The following CSNK1G1 variants were observed in gnomAD, a reference collection of about 807,000 sequenced individuals.
CSNK1G1 encodes the protein casein kinase I isoform gamma-1.
A neutral mutation model predicts 59.6 loss-of-function variants in CSNK1G1; 22 were observed. The ratio of observed to expected loss-of-function variants is 0.37; its 90% CI spans 0.26 to 0.53. The LOEUF (loss-of-function observed/expected upper bound fraction) is 0.53. Among genes scored for constraint, CSNK1G1 ranks in the 20% least tolerant of loss-of-function variants. The pLI, the probability that CSNK1G1 is intolerant of heterozygous loss-of-function variation, is 0.89. For synonymous variants in CSNK1G1, 179 were observed against 177.1 expected, an observed-to-expected ratio of 1.01 and a Z score of -0.08; for missense variants, 384 against 519.5, an observed-to-expected ratio of 0.74 and a Z score of 2.54.
chr15:64,255,058 A>G (rs564641074), intron 3 of CSNK1G1, among the ~76,000 whole-genome samples: 52 of 152,150 alleles, frequency 3.4e-4, no homozygotes, highest in East Asian at 3.9e-4. Context: ...CTTTCCCCCA[A>G]TGAGTAGTTA....
intron 11 of CSNK1G1, among the ~76,000 whole-genome samples, chr15:64,172,443 C>A (rs2081684532): frequency 1.3e-5 from 2 of 152,152 alleles, no homozygotes; most frequent in Non-Finnish European, 2.9e-5. Flanking sequence ...GCAAACAAAT[C>A]CCATGATAAG....
chr15:64,278,826 C>T (rs1438434239), intron 2 of CSNK1G1, among the ~76,000 whole-genome samples: 1 of 152,208 alleles, frequency 6.6e-6, no homozygotes, highest in African/African-American at 2.4e-5. Context: ...GATGCAACTA[C>T]ACCCCACATC....
At chr15:64,258,460 T>C (rs1892514108) in intron 3 of CSNK1G1, among the ~76,000 whole-genome samples, 1 of 151,930 alleles carries the variant, frequency 6.6e-6, no homozygotes, top group Non-Finnish European at 1.5e-5. Context: ...CCTTCAACCA[T>C]TAACTCCTCT....
At chr15:64,299,536 G>C (rs925919987) in intron 2 of CSNK1G1, among the ~76,000 whole-genome samples, 1 of 151,468 alleles carries the variant, frequency 6.6e-6, no homozygotes, top group Non-Finnish European at 1.5e-5. Context: ...AGCTTGCAGT[G>C]AGCCGAGATC....
intron 4 of CSNK1G1, among the ~76,000 whole-genome samples, chr15:64,236,259 G>A (rs1380255014): frequency 6.6e-6 from 1 of 151,888 alleles, no homozygotes; most frequent in East Asian, 1.9e-4. Context: ...ATCTAGAATT[G>A]GAGATGACAA....
At chr15:64,279,201 T>C (rs1378865674) in intron 2 of CSNK1G1, among the ~76,000 whole-genome samples, 5 of 151,906 alleles carry the variant, frequency 3.3e-5, no homozygotes, top group Admixed American at 2.6e-4. Context: ...TATATATCCA[T>C]ACATACACCC....
chr15:64,245,187 C>T (rs538985068), intron 4 of CSNK1G1, among the ~76,000 whole-genome samples: 1 of 152,198 alleles, frequency 6.6e-6, no homozygotes, highest in Admixed American at 6.5e-5. Flanking sequence ...TGACATTGGT[C>T]TGGGCAAAAT....
chr15:64,337,682 T>C (rs1220396893), intron 1 of CSNK1G1, among the ~76,000 whole-genome samples: 1 of 152,184 alleles, frequency 6.6e-6, no homozygotes, highest in Non-Finnish European at 1.5e-5. Flanking sequence ...TAACCTTTTG[T>C]AAATGTACAA....
intron 1 of CSNK1G1, among the ~76,000 whole-genome samples, chr15:64,310,801 T>C (rs1182481097): frequency 6.6e-6 from 1 of 151,636 alleles, no homozygotes; most frequent in Non-Finnish European, 1.5e-5. Context: ...GGTCAGGAGA[T>C]CGAGACCATC....
intron 10 of CSNK1G1, among the ~76,000 whole-genome samples, chr15:64,183,987 AT>A (rs997004536): frequency 2.0e-5 from 3 of 151,636 alleles, no homozygotes; most frequent in African/African-American, 7.3e-5. Context: ...TCTGGCTGGT[AT>A]TTTTTTTCTA....
chr15:64,217,120 T>A (rs2082321863), intron 4 of CSNK1G1, among the ~76,000 whole-genome samples: 1 of 152,244 alleles, frequency 6.6e-6, no homozygotes, highest in South Asian at 2.1e-4. Context: ...TCATGAGCAC[T>A]CTCTATGCTT....
rs897374515 is a variant in CSNK1G1, at chr15:64,214,436, G to T, written c.445-312C>A. Among the ~76,000 whole-genome samples the T allele has an allele frequency of 9.2e-5, 14 of 152,134 alleles. No individual in the cohort carries two copies. Among genetic ancestry groups the T allele is most frequent in the Admixed American group, 3.3e-4 (5 of 15,270 alleles). On this transcript the variant is annotated intron_variant, in intron 5 of 11. Coordinates refer to ENST00000303052, the MANE Select transcript of CSNK1G1 (RefSeq NM_022048.5). This position sits in a 1 kb window ranked among gnomAD's most constrained non-coding sequence, Gnocchi z 4.3. ...AATCAGTTGTTTATATGCTACGTCA[G>T]AAAATTAAGCATTTGAGACAAAAGA... is the stretch of plus-strand genomic sequence containing the variant.
At position 64,171,028 on chromosome 15, in the gene CSNK1G1, T is replaced by A. The variant is rs1429959747; in HGVS notation, c.*903A>T. On this transcript the variant is annotated 3_prime_UTR_variant, in exon 12 of 12. Transcript: ENST00000303052. The surrounding 1 kb of genome is among the most constrained non-coding windows in gnomAD (Gnocchi z 4.8). ...TCTGGGTGCTGCAGATCAAACTCTT[T>A]CCACTGAGAATGTCCTCTGGACCCA... The A allele has an allele frequency of 6.6e-6, 1 of 152,596 alleles. No individual in the cohort carries two copies. The highest frequency in any genetic ancestry group is 2.4e-5 in the African/African-American group (1 of 41,432). 9.5% of individuals were successfully genotyped at this position (152,596 alleles called of 1,614,324 possible).
At chr15:64,343,356 G>GT (rs1212827200) in intron 1 of CSNK1G1, among the ~76,000 whole-genome samples, 3 of 152,084 alleles carry the variant, frequency 2.0e-5, no homozygotes, top group African/African-American at 7.2e-5. Flanking sequence ...CTCCCACCCT[G>GT]TGCTGGCCTA....
chr15:64,313,947 A>G (rs929011997), intron 1 of CSNK1G1, among the ~76,000 whole-genome samples: 6 of 152,066 alleles, frequency 3.9e-5, no homozygotes, highest in African/African-American at 7.2e-5. Flanking sequence ...CACTGAGGAT[A>G]TAACAGTGAA....
At chr15:64,208,266 C>T (rs1048786549) in intron 6 of CSNK1G1, among the ~76,000 whole-genome samples, 12 of 152,090 alleles carry the variant, frequency 7.9e-5, no homozygotes, top group African/African-American at 2.7e-4. Flanking sequence ...AAGAGGCTGA[C>T]GTGAGAGGAT....
In CSNK1G1 at chr15:64,320,234, G is replaced by T. The variant is rs1030148387; in HGVS notation, c.-224-19511C>A. On this transcript the variant is annotated intron_variant, in intron 1 of 11. Coordinates refer to ENST00000303052, the MANE Select transcript of CSNK1G1 (RefSeq NM_022048.5). Reference sequence around the variant, plus strand: ...GATAATTCCACCGAAACAGGCACACGTCAAAAAAACAAATGCATTAATGAA... The same window carrying T: ...GATAATTCCACCGAAACAGGCACACTTCAAAAAAACAAATGCATTAATGAA... 3.3e-5 allele frequency among the ~76,000 whole-genome samples: 5 copies of T among 151,550 alleles called. No homozygotes were observed. The South Asian group carries it at 1.0e-3, about 32-fold the overall frequency.
chr15:64,216,202 GT>G lies in CSNK1G1; in HGVS notation c.444+359del, dbSNP rs2082309930. Among the ~76,000 whole-genome samples the G allele has an allele frequency of 6.6e-6, 1 of 152,060 alleles. No homozygotes were observed. Among genetic ancestry groups the G allele is most frequent in the South Asian group, 2.1e-4 (1 of 4,822 alleles). On this transcript the variant is annotated intron_variant, in intron 5 of 11. Coordinates refer to ENST00000303052, the MANE Select transcript of CSNK1G1 (RefSeq NM_022048.5). This position sits in a 1 kb window ranked among gnomAD's most constrained non-coding sequence, Gnocchi z 4.6. ...ATCATGCTACTGTACTCTAGCCTGGGTGACAGAGACCCTGTCTCAAAAATGA... is the reference window on the plus strand; with the variant it reads ...ATCATGCTACTGTACTCTAGCCTGGGGACAGAGACCCTGTCTCAAAAATGA...
intron 1 of CSNK1G1, among the ~76,000 whole-genome samples, chr15:64,322,304 T>C (rs527493492): frequency 1.3e-5 from 2 of 152,260 alleles, no homozygotes; most frequent in East Asian, 2.0e-4. Context: ...GCACATACTA[T>C]ACTCTCAATT....
Sources: gnomAD v4.1 joint callset for allele counts (sites outside exome capture counted in the v4.1 genomes callset) on GRCh38, gnomAD v4.1.1 for gene constraint, Gnocchi (gnomAD v3.1) non-coding constraint, MANE v1.5 for transcripts, NCBI Gene and HGNC (gene_info 2026-07-23, HGNC 2026-07-21) for gene names.